Variants in WWOX observed in about 807,000 individuals in gnomAD.
WWOX encodes WW domain containing oxidoreductase.
Under a neutral mutation model 46.2 loss-of-function variants are expected in WWOX, and 69 were observed. The ratio of observed to expected loss-of-function variants is 1.49; its 90% CI spans 1.23 to 1.82. WWOX has a LOEUF of 1.82. WWOX is among the 40% of genes most tolerant of loss of function. The pLI, the probability that WWOX is intolerant of heterozygous loss-of-function variation, is 0.00. For synonymous variants in WWOX, 359 were observed against 202.6 expected (o/e 1.77, Z -6.56); for missense variants, 919 against 542.6 (o/e 1.69, Z -6.89).
chr16:79,177,438 C>T (rs541922097), intron 8 of WWOX, among the ~76,000 whole-genome samples: 39 of 152,268 alleles, frequency 2.6e-4, no homozygotes, highest in Non-Finnish European at 4.1e-4. Flanking sequence ...TACACACTTC[C>T]GCTAACCTCT....
intron 8 of WWOX, among the ~76,000 whole-genome samples, chr16:79,103,243 T>G (rs1331125955): frequency 1.3e-5 from 2 of 152,222 alleles, no homozygotes; most frequent in African/African-American, 4.8e-5. Context: ...GACTCCGTGT[T>G]TGAAAGGTTT....
At chr16:78,460,466 T>C (rs1356624396) in intron 8 of WWOX, among the ~76,000 whole-genome samples, 1 of 152,224 alleles carries the variant, frequency 6.6e-6, no homozygotes, top group Admixed American at 6.5e-5. Context: ...TCTTTGTCCT[T>C]TTCTCTCCTT....
chr16:78,206,161 C>T (rs1438765666), intron 5 of WWOX, among the ~76,000 whole-genome samples: 9 of 151,960 alleles, frequency 5.9e-5, no homozygotes, highest in Admixed American at 5.2e-4. Context: ...TATTGGGAAC[C>T]ATTTCAGGGT....
intron 8 of WWOX, among the ~76,000 whole-genome samples, chr16:79,072,544 C>A (rs1416902905): frequency 6.6e-6 from 1 of 152,164 alleles, no homozygotes; most frequent in Non-Finnish European, 1.5e-5. Flanking sequence ...AATCTGTATT[C>A]ATTTTGACAT....
intron 8 of WWOX, among the ~76,000 whole-genome samples, chr16:79,007,979 T>C (rs2047222681): frequency 6.6e-6 from 1 of 152,236 alleles, no homozygotes. Flanking sequence ...AAATTTAGTA[T>C]ATTTGTTATC....
At chr16:78,576,728 A>G (rs951093802) in intron 8 of WWOX, among the ~76,000 whole-genome samples, 5 of 152,154 alleles carry the variant, frequency 3.3e-5, no homozygotes, top group African/African-American at 4.8e-5. Flanking sequence ...GCTACTCAAG[A>G]GGCTAAAGGG....
chr16:78,772,263 G>C (rs1285166098), intron 8 of WWOX, among the ~76,000 whole-genome samples: 3 of 152,114 alleles, frequency 2.0e-5, no homozygotes, highest in African/African-American at 4.8e-5. Flanking sequence ...TCATCATTTA[G>C]CTTCCACTTG....
chr16:78,682,239 TTC>T (rs2047746713), intron 8 of WWOX, among the ~76,000 whole-genome samples: 1 of 152,348 alleles, frequency 6.6e-6, no homozygotes, highest in African/African-American at 2.4e-5. Flanking sequence ...TATGCCACTC[TTC>T]TGTCATGAAA....
At chr16:79,177,078 G>T (rs200075619) in intron 8 of WWOX, among the ~76,000 whole-genome samples, 1 of 152,128 alleles carries the variant, frequency 6.6e-6, no homozygotes, top group Non-Finnish European at 1.5e-5. Context: ...AAGTCCTTTC[G>T]AATATAAAAT....
intron 4 of WWOX, among the ~76,000 whole-genome samples, chr16:78,133,932 A>G (rs2033697258): frequency 6.6e-6 from 1 of 152,204 alleles, no homozygotes; most frequent in South Asian, 2.1e-4. Context: ...CAGTCAATGG[A>G]CTGTAGATGC....
chr16:78,650,147 G>A (rs2046933989), intron 8 of WWOX, among the ~76,000 whole-genome samples: 1 of 152,150 alleles, frequency 6.6e-6, no homozygotes, highest in Admixed American at 6.5e-5. Flanking sequence ...AATGAACGCA[G>A]ATTAAGGAAA....
intron 8 of WWOX, among the ~76,000 whole-genome samples, chr16:78,821,047 T>G (rs1461775633): frequency 6.6e-6 from 1 of 152,304 alleles, no homozygotes; most frequent in East Asian, 1.9e-4. Flanking sequence ...GCAAAGACCC[T>G]GTTTCCAAAT....
rs147169361 is a variant in WWOX at position 78,536,973 on chromosome 16, G to C, written c.1056+104221G>C. Among the ~76,000 whole-genome samples, 1,080 of 148,202 alleles carry C rather than the reference G, an allele frequency of 7.3e-3. 13 individuals carry two copies. Among genetic ancestry groups the C allele is most frequent in the African/African-American group, 0.026 (1,042 of 39,966 alleles). ...ACTCTGTCACCCAGACTGGATTGCA[G>C]TGGCACAATCTCAACTGACTGCAAC... is the stretch of plus-strand genomic sequence containing the variant. On this transcript the variant is annotated intron_variant, in intron 8 of 8. Coordinates refer to ENST00000566780, the MANE Select transcript of WWOX (RefSeq NM_016373.4).
At chr16:78,209,655 G>A (rs1597354946) in intron 5 of WWOX, among the ~76,000 whole-genome samples, 1 of 151,618 alleles carries the variant, frequency 6.6e-6, no homozygotes, top group Non-Finnish European at 1.5e-5. Context: ...TCAATTGGGA[G>A]TACCTTTTGT....
At chr16:78,183,667 G>A (rs1245609508) in intron 5 of WWOX, among the ~76,000 whole-genome samples, 1 of 152,146 alleles carries the variant, frequency 6.6e-6, no homozygotes, top group African/African-American at 2.4e-5. Context: ...ACCACTCACT[G>A]AGCCGAAATC....
chr16:78,476,767 A>T (rs545224886), intron 8 of WWOX, among the ~76,000 whole-genome samples: 1 of 152,308 alleles, frequency 6.6e-6, no homozygotes, highest in South Asian at 2.1e-4. Flanking sequence ...AGTGAAATGC[A>T]TATCTCTAAG....
intron 8 of WWOX, among the ~76,000 whole-genome samples, chr16:79,076,381 C>T (rs181683183): frequency 2.6e-5 from 4 of 152,328 alleles, no homozygotes; most frequent in African/African-American, 9.6e-5. Context: ...ACAAAGTGTT[C>T]ATTCTCACCC....
chr16:78,297,606 T>A (rs993129771), intron 5 of WWOX, among the ~76,000 whole-genome samples: 1 of 152,212 alleles, frequency 6.6e-6, no homozygotes, highest in Non-Finnish European at 1.5e-5. Flanking sequence ...GCCATTTTTT[T>A]AACTCTTAAA....
intron 5 of WWOX, among the ~76,000 whole-genome samples, chr16:78,317,496 C>T (rs2080378303): frequency 6.6e-6 from 1 of 152,154 alleles, no homozygotes; most frequent in Non-Finnish European, 1.5e-5. Context: ...GGCTGAGAAA[C>T]CATGTACTAA....
Sources: gnomAD v4.1 joint callset for allele counts (sites outside exome capture counted in the v4.1 genomes callset) on GRCh38, gnomAD v4.1.1 for gene constraint, MANE v1.5 for transcripts, NCBI Gene and HGNC (gene_info 2026-07-23, HGNC 2026-07-21) for gene names.